NTM: variants seen among roughly 807,000 people sequenced by gnomAD.
NTM encodes the protein neurotrimin, also known as IgLON family member 2.
Under a neutral mutation model 42.1 loss-of-function variants are expected in NTM, and 13 were observed. The observed-to-expected ratio is 0.31, with a 90% CI of 0.20 to 0.49. NTM has a LOEUF of 0.49. NTM is among the 20% of genes least tolerant of loss of function. The pLI is 0.99. For synonymous variants in NTM, 187 were observed against 179.2 expected, an observed-to-expected ratio of 1.04 and a Z score of -0.35; for missense variants, 373 against 452.8, an observed-to-expected ratio of 0.82 and a Z score of 1.60.
chr11:131,986,979 C>T (rs1311315446), intron 2 of NTM, among the ~76,000 whole-genome samples: 2 of 152,004 alleles, frequency 1.3e-5, no homozygotes, highest in Non-Finnish European at 2.9e-5. Context: ...CAGTGTTAAC[C>T]AAGAGATGAA....
At chr11:132,315,383 C>T (rs1458471526) in intron 7 of NTM, among the ~76,000 whole-genome samples, 1 of 152,264 alleles carries the variant, frequency 6.6e-6, no homozygotes, top group Middle Eastern at 3.4e-3. Flanking sequence ...GGTGGTGCCA[C>T]CAGGCAGGGC....
intron 1 of NTM, among the ~76,000 whole-genome samples, chr11:131,866,154 G>A (rs1201763947): frequency 1.3e-5 from 2 of 148,906 alleles, no homozygotes; most frequent in African/African-American, 2.4e-5. Flanking sequence ...GCACACACAC[G>A]GTGCACACAC....
intron 2 of NTM, among the ~76,000 whole-genome samples, chr11:131,991,281 T>C (rs2066975065): frequency 6.6e-6 from 1 of 152,178 alleles, no homozygotes; most frequent in African/African-American, 2.4e-5. Flanking sequence ...ATCTCTTGCA[T>C]TGCATAGTTG....
At chr11:131,839,713 T>C (rs1053150103) in intron 1 of NTM, among the ~76,000 whole-genome samples, 1 of 152,222 alleles carries the variant, frequency 6.6e-6, no homozygotes, top group Non-Finnish European at 1.5e-5. Context: ...ATGGATTAGT[T>C]TGCTGCTATG....
At chr11:131,757,771 C>T (rs1337393472) in intron 1 of NTM, among the ~76,000 whole-genome samples, 1 of 152,074 alleles carries the variant, frequency 6.6e-6, no homozygotes, top group East Asian at 1.9e-4. Flanking sequence ...TCAAAGTCAT[C>T]TAATTATTAT....
intron 1 of NTM, among the ~76,000 whole-genome samples, chr11:131,566,615 C>G (rs114064039): frequency 5.3e-5 from 8 of 152,342 alleles, no homozygotes; most frequent in African/African-American, 1.7e-4. Flanking sequence ...TCCTGAAATG[C>G]AAGGACAGTC....
At chr11:131,442,226 G>A (rs1051825173) in intron 1 of NTM, among the ~76,000 whole-genome samples, 43 of 152,246 alleles carry the variant, frequency 2.8e-4, no homozygotes, top group African/African-American at 8.4e-4. Context: ...GCTGAAAGTC[G>A]CAGTAGACAG....
rs1299115133 is a variant in NTM at position 131,715,245 on chromosome 11, G to A, written c.83-196319G>A. 2.0e-5 allele frequency among the ~76,000 whole-genome samples: 3 copies of A among 152,188 alleles called. 1 individual carries two copies. In the South Asian group the frequency reaches 6.2e-4, roughly 32 times the overall value. On this transcript the variant is annotated intron_variant, in intron 1 of 8. Transcript: ENST00000683400. Reference sequence around the variant, plus strand: ...CAGTGCATAAATAGAAGGAGCTACAGAATTACTATTCCTATTTATAGCAAG... The same window carrying A: ...CAGTGCATAAATAGAAGGAGCTACAAAATTACTATTCCTATTTATAGCAAG...
intron 4 of NTM, among the ~76,000 whole-genome samples, chr11:132,259,984 G>A (rs535462709): frequency 6.6e-6 from 1 of 152,194 alleles, no homozygotes; most frequent in East Asian, 2.0e-4. Context: ...CCTGCAACTA[G>A]GACAGTTTTG....
chr11:132,192,756 A>G (rs980030969), intron 3 of NTM, among the ~76,000 whole-genome samples: 3 of 152,150 alleles, frequency 2.0e-5, no homozygotes, highest in African/African-American at 7.2e-5. Context: ...GTTGAGAGAT[A>G]TATCTCATGA....
intron 1 of NTM, among the ~76,000 whole-genome samples, chr11:131,442,749 T>C (rs938879944): frequency 3.9e-5 from 6 of 152,064 alleles, no homozygotes; most frequent in South Asian, 2.1e-4. Flanking sequence ...AAGGACATAA[T>C]TTCATCGTTT....
chr11:131,993,907 GC>G (rs1400522851), intron 2 of NTM, among the ~76,000 whole-genome samples: 5 of 151,658 alleles, frequency 3.3e-5, no homozygotes, highest in Non-Finnish European at 2.9e-5. Context: ...GGAGGCTGAG[GC>G]AGGAGAATTG....
chr11:131,745,539 T>G (rs191742076), intron 1 of NTM, among the ~76,000 whole-genome samples: 1 of 152,314 alleles, frequency 6.6e-6, no homozygotes, highest in African/African-American at 2.4e-5. Context: ...TCTTCCTTGG[T>G]TTCCGAATTA....
chr11:132,185,690 A>T (rs928622753), intron 3 of NTM, among the ~76,000 whole-genome samples: 2 of 152,124 alleles, frequency 1.3e-5, no homozygotes, highest in African/African-American at 4.8e-5. Context: ...AATAATTTTA[A>T]TATAATTATT....
At chr11:131,908,481 T>A (rs1026420190) in intron 1 of NTM, among the ~76,000 whole-genome samples, 10 of 152,348 alleles carry the variant, frequency 6.6e-5, no homozygotes, top group African/African-American at 2.4e-4. Context: ...TCATGAATCA[T>A]CCCTGCCATT....
chr11:131,968,414 C>T lies in NTM; in HGVS notation c.167+56766C>T, dbSNP rs560955953. On this transcript the variant is annotated intron_variant, in intron 2 of 8. Transcript: ENST00000683400. The stretch of plus-strand genomic sequence containing the variant: ...ACAGTTCATGATCCTCTAAACTTGG[C>T]GTCCTCCCCAGCACCTGTTTCTTAA... Among the ~76,000 whole-genome samples, 41 of 152,254 alleles carry T rather than the reference C, an allele frequency of 2.7e-4. No homozygotes were observed. The South Asian group carries it at 7.5e-3, about 28-fold the overall frequency.
At chr11:132,069,605 T>C in intron 2 of NTM, among the ~76,000 whole-genome samples, 1 of 145,072 alleles carries the variant, frequency 6.9e-6, no homozygotes, top group Non-Finnish European at 1.5e-5. Flanking sequence ...CACAGACAAG[T>C]TAACACATCA....
intron 1 of NTM, among the ~76,000 whole-genome samples, chr11:131,714,559 G>C (rs111898287): frequency 6.6e-6 from 1 of 152,142 alleles, no homozygotes; most frequent in Non-Finnish European, 1.5e-5. Context: ...TCATTTTAGA[G>C]AAACAGTGTA....
intron 1 of NTM, among the ~76,000 whole-genome samples, chr11:131,436,681 TTTATTAGTC>T (rs1949163872): frequency 6.6e-6 from 1 of 152,192 alleles, no homozygotes. Context: ...TCTTTTCTTC[TTTATTAGTC>T]TTGCTAGCAG....
Sources: allele counts gnomAD v4.1 joint callset (sites outside exome capture counted in the v4.1 genomes callset), GRCh38; gene constraint gnomAD v4.1.1; transcripts MANE v1.5; gene names NCBI Gene and HGNC (gene_info 2026-07-23, HGNC 2026-07-21).